Variants in TSPEAR observed in about 807,000 individuals in gnomAD.
The protein encoded by TSPEAR is thrombospondin type laminin G domain and EAR repeats.
A neutral mutation model predicts 71.6 loss-of-function variants in TSPEAR; 69 were observed. That is an observed-to-expected ratio of 0.96 (90% confidence interval 0.79 to 1.18). The LOEUF (loss-of-function observed/expected upper bound fraction) is 1.18. Among genes scored for constraint, TSPEAR ranks in the 50% most tolerant of loss-of-function variants. The probability of loss-of-function intolerance (pLI) is 0.00; values close to 1 mark genes in which losing one functional copy is unlikely to be tolerated. For missense variants in TSPEAR, 971 were observed against 894.9 expected (o/e 1.09, Z -1.09); for synonymous variants, 402 against 387.2 (o/e 1.04, Z -0.45).
chr21:44,675,047 A>C (rs73234827), intron 1 of TSPEAR, among the ~76,000 whole-genome samples: 5,989 of 152,200 alleles, frequency 0.039, 129 homozygotes, highest in Middle Eastern at 0.085. Flanking sequence ...AAAATTGAAG[A>C]GGAGGGAACT....
At chr21:44,556,963 C>T (rs192614857) in intron 2 of TSPEAR, among the ~76,000 whole-genome samples, 1 of 152,316 alleles carries the variant, frequency 6.6e-6, no homozygotes, top group East Asian at 1.9e-4. Context: ...TTCATGAAAA[C>T]ACTGCTGTTA....
At chr21:44,547,578 G>A (rs1333627561) in intron 2 of TSPEAR, among the ~76,000 whole-genome samples, 1 of 152,194 alleles carries the variant, frequency 6.6e-6, no homozygotes, top group East Asian at 1.9e-4. Context: ...TTTATGTCAA[G>A]TTAAAAAATA....
At chr21:44,667,983 G>A (rs1261914045) in intron 1 of TSPEAR, among the ~76,000 whole-genome samples, 2 of 152,120 alleles carry the variant, frequency 1.3e-5, no homozygotes, top group South Asian at 2.1e-4. Context: ...AAAACTGAAG[G>A]CTTTTTCTCT....
intron 1 of TSPEAR, chr21:44,628,004 G>A (rs782602824): frequency 6.8e-6 from 11 of 1,610,934 alleles, no homozygotes; most frequent in South Asian, 2.2e-5. Context: ...GTGTGCTCCC[G>A]CCCGGCCTGC....
chr21:44,704,434 G>T (rs531553321), intron 1 of TSPEAR, among the ~76,000 whole-genome samples: 2 of 152,190 alleles, frequency 1.3e-5, no homozygotes, highest in African/African-American at 2.4e-5. Context: ...AACCCAAACC[G>T]TGCGGGGTGG....
In TSPEAR at chr21:44,512,867, G is replaced by A. The variant is rs375684059; in HGVS notation, c.1567-3481C>T. 5.6e-4 allele frequency among the ~76,000 whole-genome samples: 85 copies of A among 152,270 alleles called. No homozygotes were observed. In the East Asian group the frequency reaches 5.8e-3, roughly 10 times the overall value. On this transcript the variant is annotated intron_variant, in intron 9 of 11. Transcript: ENST00000323084. ...TGGTCACCTGCCTGGGTGCTGCTAC[G>A]AAGCAGAGCTCTTGCTGGAGTGCAG...
At chr21:44,666,881 A>G (rs782003028) in intron 1 of TSPEAR, 6 of 1,613,098 alleles carry the variant, frequency 3.7e-6, no homozygotes, top group South Asian at 1.1e-5. Context: ...AGCTGGTATG[A>G]CACATGGTGG....
chr21:44,509,838 G>A (rs1484986145), intron 9 of TSPEAR: 6 of 180,228 alleles, frequency 3.3e-5, no homozygotes, highest in East Asian at 1.7e-4. Context: ...AGTGCTGTGC[G>A]TCCTACGAGC....
Position 44,584,640 on chromosome 21 carries a change from TG to T in TSPEAR, c.83-16636del, listed in dbSNP as rs1384829169. Among the ~76,000 whole-genome samples the T allele has an allele frequency of 2.0e-5, 3 of 152,342 alleles. No individual in the cohort carries two copies. The East Asian group carries it at 5.8e-4, about 29-fold the overall frequency. On this transcript the variant is annotated intron_variant, in intron 1 of 11. Transcript: ENST00000323084. ...TCTCTCTCTCACACACAATTATTCCTGGTTTTGGCATCAGGGTCTCACCAGT... is the reference window on the plus strand; with the variant it reads ...TCTCTCTCTCACACACAATTATTCCTGTTTTGGCATCAGGGTCTCACCAGT...
At chr21:44,658,107 T>C in intron 1 of TSPEAR, 1 of 1,613,148 alleles carries the variant, frequency 6.2e-7, no homozygotes, top group Non-Finnish European at 8.5e-7. Flanking sequence ...TGCACGCGCA[T>C]TGTGTGCGTG....
At chr21:44,592,955 A>G (rs1601460250) in intron 1 of TSPEAR, among the ~76,000 whole-genome samples, 1 of 151,682 alleles carries the variant, frequency 6.6e-6, no homozygotes, top group African/African-American at 2.4e-5. Context: ...GCCTTCATTG[A>G]CCTGCCCTGG....
At chr21:44,709,375 T>C (rs1034136513) in intron 1 of TSPEAR, among the ~76,000 whole-genome samples, 8 of 152,188 alleles carry the variant, frequency 5.3e-5, no homozygotes, top group Non-Finnish European at 8.8e-5. Context: ...CACAGGCTTG[T>C]CCTCCCTTGC....
chr21:44,635,178 C>T (rs1983472904), intron 1 of TSPEAR, among the ~76,000 whole-genome samples: 1 of 151,912 alleles, frequency 6.6e-6, no homozygotes, highest in African/African-American at 2.4e-5. Context: ...AACCCCGTCT[C>T]TACCAAAAAT....
At chr21:44,571,240 G>A (rs2053790949) in intron 1 of TSPEAR, among the ~76,000 whole-genome samples, 1 of 152,216 alleles carries the variant, frequency 6.6e-6, no homozygotes, top group African/African-American at 2.4e-5. Flanking sequence ...TGTAGAGATG[G>A]GGTCTGGCTA....
chr21:44,631,356 C>T (rs1247734178), intron 1 of TSPEAR, among the ~76,000 whole-genome samples: 1 of 152,168 alleles, frequency 6.6e-6, no homozygotes, highest in South Asian at 2.1e-4. Flanking sequence ...CCGATTTGAA[C>T]AGACAGAAGG....
chr21:44,661,707 C>T (rs1339642473), intron 1 of TSPEAR, among the ~76,000 whole-genome samples: 3 of 152,148 alleles, frequency 2.0e-5, no homozygotes, highest in African/African-American at 7.2e-5. Context: ...CTTACAAGCA[C>T]TGTGGAAGGT....
intron 9 of TSPEAR, among the ~76,000 whole-genome samples, chr21:44,512,558 GA>G (rs2052422070): frequency 6.6e-6 from 1 of 152,160 alleles, no homozygotes; most frequent in African/African-American, 2.4e-5. Context: ...GCGTAGGGTG[GA>G]GGTGGCGGTG....
At chr21:44,685,766 T>C (rs1332496346) in intron 1 of TSPEAR, among the ~76,000 whole-genome samples, 11 of 152,190 alleles carry the variant, frequency 7.2e-5, no homozygotes, top group African/African-American at 2.4e-4. Context: ...GTAATGACCA[T>C]GGATCCCAGA....
chr21:44,672,440 G>C (rs1601551472), intron 1 of TSPEAR, among the ~76,000 whole-genome samples: 1 of 152,302 alleles, frequency 6.6e-6, no homozygotes, highest in Non-Finnish European at 1.5e-5. Context: ...CGTGGTGGCA[G>C]GTGCCTGTAG....
Sources: gnomAD v4.1 joint callset for allele counts (sites outside exome capture counted in the v4.1 genomes callset) on GRCh38, gnomAD v4.1.1 for gene constraint, MANE v1.5 for transcripts, NCBI Gene and HGNC (gene_info 2026-07-23, HGNC 2026-07-21) for gene names.